The following ANKRD11 variants were observed in gnomAD, a reference collection of about 807,000 sequenced individuals.
ANKRD11 encodes ankyrin repeat domain 11.
In ANKRD11, 17 loss-of-function variants were observed where a neutral mutation model predicts 195.7. The ratio of observed to expected loss-of-function variants is 0.09; its 90% CI spans 0.06 to 0.13. The LOEUF (loss-of-function observed/expected upper bound fraction) is 0.13. ANKRD11 is among the 10% of genes least tolerant of loss of function. The probability of loss-of-function intolerance (pLI) is 1.00; values close to 1 mark genes in which losing one functional copy is unlikely to be tolerated. For synonymous variants in ANKRD11, 1,953 were observed against 1,528.1 expected (o/e 1.28, Z -6.49); for missense variants, 3,735 against 3,566.1 (o/e 1.05, Z -1.21).
At chr16:89,275,002 C>A in intron 10 of ANKRD11, 45 bp from the exon 11 acceptor site, 2 of 1,612,516 alleles carry the variant, frequency 1.2e-6, no homozygotes, top group South Asian at 1.1e-5. Flanking sequence ...CAGCCACGCT[C>A]CAGGCCCCAC....
intron 4 of ANKRD11, chr16:89,301,255 G>A: frequency 2.6e-6 from 1 of 379,864 alleles, no homozygotes. Context: ...GTGAGCCACT[G>A]TGCCTGGCTA....
rs2034415701 is a variant in ANKRD11, at chr16:89,283,320, T to C, written c.3222A>G (p.Lys1074=). ...EKHKDTHGKD[K]ERKASLDQGK... The stretch of plus-strand genomic sequence containing the variant: ...CTTGGTCGAGAGACGCTTTCCTTTC[T>C]TTGTCTTTGCCATGTGTGTCTTTAT... Residue 1074 remains lysine, a synonymous_variant, in exon 9 of 13, where the codon AAA becomes AAG. Coordinates refer to ENST00000301030, the MANE Select transcript of ANKRD11 (RefSeq NM_013275.6). This position sits in a 1 kb window ranked among gnomAD's most constrained non-coding sequence, Gnocchi z 4.3. 6.2e-7 allele frequency: 1 copy of C among 1,614,024 alleles called. No individual in the cohort carries two copies. Among genetic ancestry groups the C allele is most frequent in the African/African-American group, 1.3e-5 (1 of 75,052 alleles).
chr16:89,439,517 A>G (rs1231946712), intron 1 of ANKRD11, among the ~76,000 whole-genome samples: 1 of 152,218 alleles, frequency 6.6e-6, no homozygotes. Context: ...CTCCATGTAA[A>G]ACAGTGATCC....
intron 4 of ANKRD11, among the ~76,000 whole-genome samples, chr16:89,304,455 CAT>C (rs2036044807): frequency 6.6e-6 from 1 of 151,584 alleles, no homozygotes; most frequent in African/African-American, 2.4e-5. Flanking sequence ...AAAGCATACA[CAT>C]ACTCAGGCAC....
intron 1 of ANKRD11, among the ~76,000 whole-genome samples, chr16:89,481,460 C>T (rs994638810): frequency 2.6e-5 from 4 of 152,244 alleles, no homozygotes; most frequent in East Asian, 1.9e-4. Context: ...ATGACGTTGA[C>T]GCAGGAGGCT....
intron 3 of ANKRD11, among the ~76,000 whole-genome samples, chr16:89,315,815 G>C (rs930704961): frequency 1.3e-5 from 2 of 152,208 alleles, no homozygotes; most frequent in Non-Finnish European, 2.9e-5. Context: ...CTGCTGAGGG[G>C]AAGGCCGTCT....
intron 1 of ANKRD11, among the ~76,000 whole-genome samples, chr16:89,468,944 G>A (rs1055403855): frequency 6.6e-6 from 1 of 152,160 alleles, no homozygotes; most frequent in Non-Finnish European, 1.5e-5. Flanking sequence ...ATAAATAAAT[G>A]TAAAAGAAAA....
At position 89,300,926 on chromosome 16, in the gene ANKRD11, T is replaced by C. The variant is rs1239652318; in HGVS notation, c.226+4280A>G. The C allele has an allele frequency of 1.1e-5, 8 of 699,094 alleles. No individual in the cohort carries two copies. The Admixed American group carries it at 1.6e-4, about 14-fold the overall frequency. 43.3% of individuals were successfully genotyped at this position (699,094 alleles called of 1,614,324 possible). On this transcript the variant is annotated intron_variant, in intron 4 of 12. Coordinates refer to ENST00000301030, the MANE Select transcript of ANKRD11 (RefSeq NM_013275.6). ...CATGGCGCTCCTGACGAGGGCTCCC[T>C]CGTGGCTGCCCCAGGACAAGCAGGA...
At chr16:89,338,977 A>T (rs1317271078) in intron 2 of ANKRD11, among the ~76,000 whole-genome samples, 1 of 152,156 alleles carries the variant, frequency 6.6e-6, no homozygotes, top group African/African-American at 2.4e-5. Context: ...TTTCCCTCAA[A>T]GTCACCACCG....
intron 1 of ANKRD11, among the ~76,000 whole-genome samples, chr16:89,427,383 C>A (rs1366761891): frequency 1.3e-5 from 2 of 152,218 alleles, no homozygotes; most frequent in African/African-American, 4.8e-5. Context: ...AGAATTCCAA[C>A]GGCCTTTTTT....
At chr16:89,296,988 G>A (rs887152542) in intron 4 of ANKRD11, among the ~76,000 whole-genome samples, 5 of 152,210 alleles carry the variant, frequency 3.3e-5, no homozygotes, top group Non-Finnish European at 4.4e-5. Flanking sequence ...CCAGTGTCCA[G>A]GAAGTGTGGC....
intron 1 of ANKRD11, among the ~76,000 whole-genome samples, chr16:89,468,365 C>G (rs1002582327): frequency 1.3e-5 from 2 of 152,042 alleles, no homozygotes; most frequent in Non-Finnish European, 2.9e-5. Flanking sequence ...TATTTTGCAC[C>G]CCTTGAACCC....
At chr16:89,383,014 G>T (rs1447418428) in intron 2 of ANKRD11, among the ~76,000 whole-genome samples, 1 of 152,168 alleles carries the variant, frequency 6.6e-6, no homozygotes, top group African/African-American at 2.4e-5. Flanking sequence ...CTTGTAAAGC[G>T]TAACTTTTAA....
At chr16:89,465,073 T>A (rs1209682169) in intron 1 of ANKRD11, among the ~76,000 whole-genome samples, 1 of 152,234 alleles carries the variant, frequency 6.6e-6, no homozygotes, top group African/African-American at 2.4e-5. Flanking sequence ...AATTTCAGTG[T>A]TAGTAATAGT....
At chr16:89,474,159 C>CCCA (rs1372493760) in intron 1 of ANKRD11, among the ~76,000 whole-genome samples, 4 of 152,108 alleles carry the variant, frequency 2.6e-5, no homozygotes, top group Non-Finnish European at 4.4e-5. Context: ...CACACCATCC[C>CCCA]CCACTCGAGC....
intron 3 of ANKRD11, among the ~76,000 whole-genome samples, chr16:89,309,375 C>T (rs1321555082): frequency 1.3e-5 from 2 of 152,138 alleles, no homozygotes; most frequent in East Asian, 1.9e-4. Context: ...GGTGACTTTT[C>T]GAATGGGGAA....
intron 2 of ANKRD11, chr16:89,323,237 G>C (rs3114900): frequency 0.96 from 1,140,890 of 1,193,146 alleles, 545,702 homozygotes; most frequent in East Asian, 1. Flanking sequence ...AAAGAAAAAA[G>C]GAGAAAAGGA....
At chr16:89,466,225 G>A (rs950745334) in intron 1 of ANKRD11, among the ~76,000 whole-genome samples, 3 of 151,914 alleles carry the variant, frequency 2.0e-5, no homozygotes, top group Non-Finnish European at 2.9e-5. Context: ...ATTCTCTGAA[G>A]AAGAAATGAT....
chr16:89,317,400 C>G (rs1053057637), intron 2 of ANKRD11, among the ~76,000 whole-genome samples: 5 of 152,210 alleles, frequency 3.3e-5, no homozygotes, highest in African/African-American at 1.2e-4. Context: ...TGGGTCCCAC[C>G]TGGTACAGGC....
Sources: allele counts gnomAD v4.1 joint callset (sites outside exome capture counted in the v4.1 genomes callset), GRCh38; gene constraint gnomAD v4.1.1; non-coding constraint Gnocchi (gnomAD v3.1); transcripts MANE v1.5; gene names NCBI Gene and HGNC (gene_info 2026-07-23, HGNC 2026-07-21).